The following PSAT1 variants were observed in gnomAD, a reference collection of about 807,000 sequenced individuals.
The protein encoded by PSAT1 is phosphoserine aminotransferase.
In PSAT1, 41 loss-of-function variants were observed where a neutral mutation model predicts 40.3. The observed-to-expected ratio is 1.02, with a 90% CI of 0.79 to 1.32. The LOEUF (loss-of-function observed/expected upper bound fraction) is 1.32, where lower values mean the gene tolerates loss of function less well. Ranked by LOEUF, PSAT1 falls within the 40% of genes most tolerant of loss-of-function variation. The pLI, the probability that PSAT1 is intolerant of heterozygous loss-of-function variation, is 0.00. For synonymous variants in PSAT1, 147 were observed against 170.5 expected, an observed-to-expected ratio of 0.86 and a Z score of 1.07; for missense variants, 406 against 455.8, an observed-to-expected ratio of 0.89 and a Z score of 0.99.
Position 78,306,377 on chromosome 9 carries a change from A to G in PSAT1, c.461A>G (p.Asn154Ser). The G allele has an allele frequency of 6.2e-7, 1 of 1,613,524 alleles. No individual in the cohort carries two copies. The highest frequency in any genetic ancestry group is 8.5e-7 in the Non-Finnish European group (1 of 1,179,984). ...GCCTCCTACGTGTATTATTGCGCAA[A>G]TGAGACGGTGCATGGTGTGGAGTTT... ...PDASYVYYCA[N>S]ETVHGVEFDF... Residue 154 changes from asparagine (N) to serine (S), a missense_variant, in exon 5 of 9, where the codon AAT becomes AGT. Coordinates refer to ENST00000376588, the MANE Select transcript of PSAT1 (RefSeq NM_058179.4).
intron 8 of PSAT1, among the ~76,000 whole-genome samples, chr9:78,328,762 T>G (rs982545549): frequency 1.3e-5 from 2 of 152,166 alleles, no homozygotes; most frequent in Admixed American, 1.3e-4. Flanking sequence ...TTCGAATGAC[T>G]CTAAATGTGA....
At chr9:78,297,501 T>C (rs1484947070) in intron 1 of PSAT1, among the ~76,000 whole-genome samples, 1 of 152,208 alleles carries the variant, frequency 6.6e-6, no homozygotes, top group Non-Finnish European at 1.5e-5. Flanking sequence ...CCCCTGGCCC[T>C]GACTGCTGGT....
At chr9:78,302,704 A>G (rs1178508111) in intron 3 of PSAT1, among the ~76,000 whole-genome samples, 2 of 145,102 alleles carry the variant, frequency 1.4e-5, no homozygotes, top group Non-Finnish European at 3.0e-5. Context: ...ACTGCATTCC[A>G]GCTTAGGTGA....
chr9:78,302,448 G>A (rs1828120336), intron 3 of PSAT1, among the ~76,000 whole-genome samples: 1 of 152,124 alleles, frequency 6.6e-6, no homozygotes, highest in Non-Finnish European at 1.5e-5. Context: ...TTCAAGTGGG[G>A]CCGGGCAAGG....
chr9:78,308,619 G>C, intron 6 of PSAT1, 36 bp downstream of exon 6: 1 of 1,609,648 alleles, frequency 6.2e-7, no homozygotes, highest in Non-Finnish European at 8.5e-7. Context: ...ACCCAGGGAG[G>C]GGTCTCACTA....
Position 78,304,222 on chromosome 9 carries a change from C to T in PSAT1, c.192-513C>T, listed in dbSNP as rs186137302. 3.0e-3 allele frequency among the ~76,000 whole-genome samples: 462 copies of T among 152,250 alleles called. 3 individuals are homozygous for T. Among genetic ancestry groups the T allele is most frequent in the Admixed American group, 6.0e-3 (92 of 15,304 alleles). The stretch of plus-strand genomic sequence containing the variant: ...AATGACTGCAGGAAGGTGATTTTCC[C>T]CCATCTTCTGGCTCTGCTTTCTTAT... On this transcript the variant is annotated intron_variant, in intron 3 of 8. Coordinates refer to ENST00000376588, the MANE Select transcript of PSAT1 (RefSeq NM_058179.4).
At chr9:78,317,409 C>T (rs141783196) in intron 6 of PSAT1, among the ~76,000 whole-genome samples, 158 of 152,298 alleles carry the variant, frequency 1.0e-3, no homozygotes, top group African/African-American at 3.5e-3. Context: ...CATGCTATCA[C>T]ACCCAACTAA....
In PSAT1 at chr9:78,302,014, G is replaced by T. The variant is rs754847104; in HGVS notation, c.182G>T (p.Arg61Leu). ...ATTAACAATACAGAGAATCTTGTGCGGGAATTGCTGTAAGTTTTAAAAAGA... is the reference window on the plus strand; with the variant it reads ...ATTAACAATACAGAGAATCTTGTGCTGGAATTGCTGTAAGTTTTAAAAAGA... ...KIINNTENLV[R>L]ELLAVPDNYK... is the part of the protein sequence containing the mutation. Residue 61 changes from arginine (R) to leucine (L), a missense_variant, in exon 3 of 9, where the codon CGG (arginine) becomes CTG (leucine). By Grantham distance (102) the Arg-to-Leu change is moderately radical (BLOSUM62 -2). Transcript: ENST00000376588. 1 of 1,608,936 alleles carries T rather than the reference G, an allele frequency of 6.2e-7. No individual in the cohort carries two copies. Among genetic ancestry groups the T allele is most frequent in the Non-Finnish European group, 8.5e-7 (1 of 1,175,480 alleles).
intron 7 of PSAT1, among the ~76,000 whole-genome samples, chr9:78,326,112 A>G (rs1425687074): frequency 2.0e-5 from 3 of 151,980 alleles, no homozygotes; most frequent in Non-Finnish European, 4.4e-5. Flanking sequence ...TTTTCCCCAT[A>G]TTTGTTTCCC....
chr9:78,304,617 A>G lies in PSAT1; in HGVS notation c.192-118A>G, dbSNP rs999711291. 1.4e-5 allele frequency: 13 copies of G among 949,766 alleles called. No homozygotes were observed. In the African/African-American group the frequency reaches 1.6e-4, roughly 12 times the overall value. 58.8% of individuals were successfully genotyped at this position (949,766 alleles called of 1,614,324 possible). A position where few individuals can be genotyped will look rare whatever the true frequency, so the allele number is the denominator to read the frequency against. On this transcript the variant is annotated intron_variant, in intron 3 of 8. Transcript: ENST00000376588. ...AGGGAAGACAAAGTAGTATTGTAACATTACCATATTTCTTGTAGTAAATCC... is the reference window on the plus strand; with the variant it reads ...AGGGAAGACAAAGTAGTATTGTAACGTTACCATATTTCTTGTAGTAAATCC...
At chr9:78,306,218 C>A in intron 4 of PSAT1, 96 bp from the exon 5 acceptor site, 1 of 1,331,606 alleles carries the variant, frequency 7.5e-7, no homozygotes, top group Non-Finnish European at 1.1e-6. Context: ...TCTTTCCCTG[C>A]TAGGGGAGGC....
intron 6 of PSAT1, among the ~76,000 whole-genome samples, chr9:78,313,695 A>G: frequency 6.6e-6 from 1 of 151,974 alleles, no homozygotes; most frequent in East Asian, 1.9e-4. Flanking sequence ...TGCAGGCTGG[A>G]GTGCAGCAGT....
rs1828551057 is a variant in PSAT1, at chr9:78,329,549, G to C, written c.*463G>C. On this transcript the variant is annotated 3_prime_UTR_variant, in exon 9 of 9. Coordinates refer to ENST00000376588, the MANE Select transcript of PSAT1 (RefSeq NM_058179.4). ...GTCAACATTGACCATTGGAGGAGTG[G>C]TTTAAGAGTGCCAGGCGAAGGGCAA... 5.3e-6 allele frequency: 1 copy of C among 189,436 alleles called. No homozygotes were observed. The highest frequency in any genetic ancestry group is 2.4e-5 in the African/African-American group (1 of 42,024). The allele number at this position is 189,436 out of a possible 1,614,324, so 11.7% of individuals were successfully genotyped here.
chr9:78,312,693 T>C (rs1397804446), intron 6 of PSAT1, among the ~76,000 whole-genome samples: 1 of 151,832 alleles, frequency 6.6e-6, no homozygotes, highest in East Asian at 1.9e-4. Flanking sequence ...CAAAACTCCA[T>C]CTCAAAAATA....
chr9:78,327,879 T>G (rs1313919126), intron 7 of PSAT1, among the ~76,000 whole-genome samples, 172 bp from the exon 8 acceptor site: 1 of 152,164 alleles, frequency 6.6e-6, no homozygotes, highest in East Asian at 1.9e-4. Context: ...ATGCAAGAGT[T>G]TGTTTTCCCT....
At position 78,301,939 on chromosome 9, in the gene PSAT1, TCTTTC is replaced by T. The variant is rs1395700711; in HGVS notation, c.122-9_122-5del. 1 of 1,585,718 alleles carries T rather than the reference TCTTTC, an allele frequency of 6.3e-7. No individual in the cohort carries two copies. The highest frequency in any genetic ancestry group is 8.7e-7 in the Non-Finnish European group (1 of 1,154,234). ...CTGGAATATTTGTTATTGTTGTTTATCTTTCCTTTCACAGAAATGAGTCACAGGTC... is the reference window on the plus strand; with the variant it reads ...CTGGAATATTTGTTATTGTTGTTTATCTTTCACAGAAATGAGTCACAGGTC... On this transcript the variant is annotated splice_polypyrimidine_tract_variant and intron_variant, in intron 2 of 8. Transcript: ENST00000376588.
chr9:78,320,357 CATCT>C lies in PSAT1; in HGVS notation c.869+2554_869+2557del, dbSNP rs1468878934. On this transcript the variant is annotated intron_variant, in intron 7 of 8. Coordinates refer to ENST00000376588, the MANE Select transcript of PSAT1 (RefSeq NM_058179.4). ...CCATCTATCCATCCATCCATCCATC[CATCT>C]GCCCACCCATCCATCCATTCACCCA... Among the ~76,000 whole-genome samples the C allele has an allele frequency of 7.3e-5, 11 of 150,854 alleles. No individual in the cohort carries two copies. The South Asian group carries it at 8.4e-4, about 12-fold the overall frequency.
chr9:78,303,249 A>G (rs553049506), intron 3 of PSAT1, among the ~76,000 whole-genome samples: 1 of 152,318 alleles, frequency 6.6e-6, no homozygotes, highest in South Asian at 2.1e-4. Context: ...AGGCTTGGTG[A>G]TATTTCTGTG....
At chr9:78,328,450 G>C (rs373235881) in intron 8 of PSAT1, among the ~76,000 whole-genome samples, 11 of 152,162 alleles carry the variant, frequency 7.2e-5, no homozygotes, top group African/African-American at 2.7e-4. Flanking sequence ...TACACTGCTC[G>C]TATAGCACAG....
Sources: gnomAD v4.1 joint callset for allele counts (sites outside exome capture counted in the v4.1 genomes callset) on GRCh38, gnomAD v4.1.1 for gene constraint, MANE v1.5 for transcripts, NCBI Gene and HGNC (gene_info 2026-07-23, HGNC 2026-07-21) for gene names.